Variants in RPAP2 observed in about 807,000 individuals in gnomAD.
RPAP2 encodes RNA polymerase II associated protein 2.
RPAP2 carries 52 observed loss-of-function variants against 73.1 expected under a neutral mutation model. The observed-to-expected ratio is 0.71, with a 90% CI of 0.57 to 0.90. The LOEUF (loss-of-function observed/expected upper bound fraction) is 0.90, where lower values mean the gene tolerates loss of function less well. Among genes scored for constraint, RPAP2 ranks in the 40% least tolerant of loss-of-function variants. The pLI is 0.00. For missense variants in RPAP2, 598 were observed against 701.8 expected (o/e 0.85, Z 1.67); for synonymous variants, 225 against 242.1 (o/e 0.93, Z 0.65).
intron 6 of RPAP2, among the ~76,000 whole-genome samples, chr1:92,315,745 A>G (rs1179797718): frequency 2.0e-5 from 3 of 152,216 alleles, no homozygotes; most frequent in African/African-American, 4.8e-5. Context: ...GGAGTCAGAA[A>G]GGGCCTTGGA....
At chr1:92,367,865 G>T (rs1328389092) in intron 11 of RPAP2, among the ~76,000 whole-genome samples, 1 of 152,148 alleles carries the variant, frequency 6.6e-6, no homozygotes, top group Non-Finnish European at 1.5e-5. Context: ...GTTTGATTTT[G>T]CAAATTTGGA....
intron 11 of RPAP2, among the ~76,000 whole-genome samples, chr1:92,348,111 G>A (rs960642397): frequency 2.6e-5 from 4 of 152,036 alleles, no homozygotes; most frequent in Non-Finnish European, 4.4e-5. Context: ...GGCTGGTCTC[G>A]AACTCCTGAC....
chr1:92,365,783 T>TAAGA (rs1481796673), intron 11 of RPAP2, among the ~76,000 whole-genome samples: 1 of 152,232 alleles, frequency 6.6e-6, no homozygotes. Context: ...TTGAAAATTG[T>TAAGA]AAGATCTACT....
intron 3 of RPAP2, among the ~76,000 whole-genome samples, chr1:92,303,722 AT>A (rs1411932330): frequency 6.6e-6 from 1 of 152,222 alleles, no homozygotes; most frequent in Non-Finnish European, 1.5e-5. Context: ...ATTTAACTAT[AT>A]AATCTACAAA....
At chr1:92,369,635 T>C (rs1303963800) in intron 11 of RPAP2, among the ~76,000 whole-genome samples, 1 of 152,152 alleles carries the variant, frequency 6.6e-6, no homozygotes, top group Non-Finnish European at 1.5e-5. Flanking sequence ...TATTAGAAGT[T>C]GCAAGATTGG....
In RPAP2 at chr1:92,304,001, T is replaced by C; in HGVS notation, c.259T>C (p.Tyr87His). ...GGGGAGGTTCATTACACCTGCTCAC[T>C]ACAGTGATGTCGTGGATGAACGTTC... ...ECGRFITPAH[Y>H]SDVVDERSIV... Residue 87 changes from tyrosine to histidine, a missense_variant, in exon 4 of 13, where the codon TAC (tyrosine) becomes CAC (histidine). Physicochemically the swap from Tyr to His is moderately conservative, Grantham distance 83 (BLOSUM62 2). Around this residue, in one of 3 missense-constraint regions of RPAP2, gnomAD observed 506 missense variants for 612.8 expected, o/e 0.83. Coordinates refer to ENST00000610020, the MANE Select transcript of RPAP2 (RefSeq NM_024813.3). 6.2e-7 allele frequency: 1 copy of C among 1,612,370 alleles called. No individual in the cohort carries two copies. Among genetic ancestry groups the C allele is most frequent in the Non-Finnish European group, 8.5e-7 (1 of 1,179,090 alleles).
At chr1:92,346,336 G>A (rs182624021) in intron 11 of RPAP2, among the ~76,000 whole-genome samples, 1 of 151,826 alleles carries the variant, frequency 6.6e-6, no homozygotes, top group African/African-American at 2.4e-5. Context: ...GCTAATTTTT[G>A]TATTTTTTGT....
chr1:92,306,294 T>G (rs1651229215), intron 5 of RPAP2, among the ~76,000 whole-genome samples: 2 of 152,226 alleles, frequency 1.3e-5, no homozygotes. Context: ...TGGTAATAGT[T>G]GCACAACAGT....
chr1:92,378,221 T>A (rs1370600150), intron 11 of RPAP2, among the ~76,000 whole-genome samples: 1 of 150,054 alleles, frequency 6.7e-6, no homozygotes, highest in African/African-American at 2.5e-5. Context: ...TCATTCATTT[T>A]TGAGATGGAG....
chr1:92,312,408 G>A (rs1176746757), intron 6 of RPAP2, among the ~76,000 whole-genome samples: 3 of 99,540 alleles, frequency 3.0e-5, no homozygotes, highest in Admixed American at 1.2e-4. Context: ...AACAGAGCAA[G>A]ACCGTGTCTC....
At chr1:92,321,284 A>G (rs1652242270) in intron 7 of RPAP2, among the ~76,000 whole-genome samples, 1 of 152,242 alleles carries the variant, frequency 6.6e-6, no homozygotes, top group Non-Finnish European at 1.5e-5. Context: ...AGTATGAAAT[A>G]CATGAAAGTT....
rs543519959 is a variant in RPAP2 at position 92,402,019 on chromosome 1, C to G, written c.*15008C>G. 1 of 152,230 alleles carries G rather than the reference C, an allele frequency of 6.6e-6. No homozygotes were observed. Among genetic ancestry groups the G allele is most frequent in the African/African-American group, 2.4e-5 (1 of 41,546 alleles). The allele number at this position is 152,230 out of a possible 1,614,324, so 9.4% of individuals were successfully genotyped here. On this transcript the variant is annotated 3_prime_UTR_variant, in exon 13 of 13. Coordinates refer to ENST00000610020, the MANE Select transcript of RPAP2 (RefSeq NM_024813.3). The stretch of plus-strand genomic sequence containing the variant: ...TAACATCTTTGTCTGGTTTTGAAAT[C>G]AAAGTAATACTGGCCTAATAAAATG...
At chr1:92,330,781 G>A (rs1440473301) in intron 8 of RPAP2, among the ~76,000 whole-genome samples, 3 of 152,022 alleles carry the variant, frequency 2.0e-5, no homozygotes, top group African/African-American at 4.8e-5. Flanking sequence ...AAAACTTTTT[G>A]TTATGGAAAT....
At chr1:92,301,694 G>A (rs1650869214) in intron 3 of RPAP2, 104 bp downstream of exon 3, 2 of 468,360 alleles carry the variant, frequency 4.3e-6, no homozygotes, top group East Asian at 7.1e-5. Flanking sequence ...TTTGTTCTGA[G>A]TCATTAGATG....
intron 7 of RPAP2, among the ~76,000 whole-genome samples, chr1:92,321,980 C>T (rs1652298109): frequency 7.2e-6 from 1 of 138,202 alleles, no homozygotes; most frequent in African/African-American, 2.7e-5. Context: ...GAGTCTCACT[C>T]TATCACCCAG....
chr1:92,400,496 T>A lies in RPAP2; in HGVS notation c.*13485T>A, dbSNP rs989554033. 1 of 152,126 alleles carries A rather than the reference T, an allele frequency of 6.6e-6. No individual in the cohort carries two copies. Among genetic ancestry groups the A allele is most frequent in the South Asian group, 2.1e-4 (1 of 4,818 alleles). The allele number at this position is 152,126 out of a possible 1,614,324, so 9.4% of individuals were successfully genotyped here. ...CACCATACCCAGCTAATATTTTTTT[T>A]AATTTTATATTTTTTAGAGACAGGG... On this transcript the variant is annotated 3_prime_UTR_variant, in exon 13 of 13. Coordinates refer to ENST00000610020, the MANE Select transcript of RPAP2 (RefSeq NM_024813.3).
At chr1:92,305,902 A>C (rs1374624054) in intron 5 of RPAP2, among the ~76,000 whole-genome samples, 1 of 152,220 alleles carries the variant, frequency 6.6e-6, no homozygotes, top group Non-Finnish European at 1.5e-5. Flanking sequence ...AAGTCTTTGC[A>C]CATTCTCTAT....
chr1:92,385,224 C>T (rs764638341), intron 12 of RPAP2, among the ~76,000 whole-genome samples: 3 of 150,968 alleles, frequency 2.0e-5, no homozygotes, highest in Non-Finnish European at 4.4e-5. Context: ...GCAAACAGTA[C>T]CTAGCCAGAA....
intron 6 of RPAP2, among the ~76,000 whole-genome samples, chr1:92,317,916 C>G (rs1460483886): frequency 6.6e-6 from 1 of 152,166 alleles, no homozygotes; most frequent in Non-Finnish European, 1.5e-5. Context: ...ACTTGGACCT[C>G]ATTCTTGTTT....
Sources: gnomAD v4.1 joint callset for allele counts (sites outside exome capture counted in the v4.1 genomes callset) on GRCh38, gnomAD v4.1.1 for gene constraint, gnomAD v4.1.1 regional missense constraint, MANE v1.5 for transcripts, NCBI Gene and HGNC (gene_info 2026-07-23, HGNC 2026-07-21) for gene names.